Variants in PARD3B observed in about 807,000 individuals in gnomAD.
The protein encoded by PARD3B is par-3 family cell polarity regulator beta.
In PARD3B, 103 loss-of-function variants were observed where a neutral mutation model predicts 130.2. The observed-to-expected ratio is 0.79, with a 90% CI of 0.67 to 0.93. PARD3B has a LOEUF of 0.93. Ranked by LOEUF, PARD3B falls within the 40% of genes least tolerant of loss-of-function variation. The pLI is 0.00. For missense variants in PARD3B, 1,609 were observed against 1,499.2 expected, an observed-to-expected ratio of 1.07 and a Z score of -1.21; for synonymous variants, 583 against 553.2, an observed-to-expected ratio of 1.05 and a Z score of -0.76.
chr2:204,728,585 C>T (rs1268925162), intron 2 of PARD3B, among the ~76,000 whole-genome samples: 1 of 145,784 alleles, frequency 6.9e-6, no homozygotes, highest in African/African-American at 2.6e-5. Flanking sequence ...GTGTAATACT[C>T]TAGCAGTTGC....
At chr2:204,957,557 T>C (rs1690368944) in intron 2 of PARD3B, among the ~76,000 whole-genome samples, 1 of 152,186 alleles carries the variant, frequency 6.6e-6, no homozygotes, top group Admixed American at 6.5e-5. Context: ...TTGAGGATGC[T>C]GGAGCTGATG....
At chr2:205,389,748 G>A (rs1243660996) in intron 18 of PARD3B, among the ~76,000 whole-genome samples, 1 of 152,156 alleles carries the variant, frequency 6.6e-6, no homozygotes, top group Non-Finnish European at 1.5e-5. Context: ...ATATTTATTT[G>A]ATACTTTAGA....
At chr2:204,883,453 A>AT (rs1255418062) in intron 2 of PARD3B, among the ~76,000 whole-genome samples, 1,253 of 97,978 alleles carry the variant, frequency 0.013, 44 homozygotes, top group African/African-American at 0.046. Context: ...ATATATATAT[A>AT]TATTTTTTTT....
At chr2:205,447,531 C>T (rs762628830) in intron 20 of PARD3B, among the ~76,000 whole-genome samples, 38 of 152,188 alleles carry the variant, frequency 2.5e-4, no homozygotes, top group Non-Finnish European at 4.9e-4. Flanking sequence ...ATGTGTACCA[C>T]CAAACCCAGC....
At chr2:204,590,856 G>A (rs1213963276) in intron 1 of PARD3B, among the ~76,000 whole-genome samples, 3 of 152,146 alleles carry the variant, frequency 2.0e-5, no homozygotes, top group Non-Finnish European at 2.9e-5. Context: ...CCCTGAGTAT[G>A]GAGTGATAAT....
At chr2:204,636,855 G>C (rs911509559) in intron 1 of PARD3B, among the ~76,000 whole-genome samples, 1 of 152,068 alleles carries the variant, frequency 6.6e-6, no homozygotes, top group Non-Finnish European at 1.5e-5. Flanking sequence ...CTTTGCAGTT[G>C]ACAGTGGCCT....
intron 3 of PARD3B, among the ~76,000 whole-genome samples, chr2:205,019,590 T>C (rs1696442272): frequency 6.6e-6 from 1 of 152,322 alleles, no homozygotes; most frequent in South Asian, 2.1e-4. Flanking sequence ...GGCACCACTT[T>C]ACATTCCCAC....
intron 4 of PARD3B, among the ~76,000 whole-genome samples, chr2:205,058,618 T>A (rs1475243115): frequency 1.3e-5 from 2 of 152,130 alleles, no homozygotes; most frequent in Non-Finnish European, 2.9e-5. Context: ...TTCTGTTTTG[T>A]TTTTAGTAAT....
chr2:205,436,561 T>C (rs935120390), intron 19 of PARD3B, among the ~76,000 whole-genome samples: 2 of 152,132 alleles, frequency 1.3e-5, no homozygotes, highest in African/African-American at 4.8e-5. Flanking sequence ...ATTTATATTA[T>C]CTTCTACGGA....
At position 204,725,867 on chromosome 2, in the gene PARD3B, A is replaced by G. The variant is rs73984285; in HGVS notation, c.222+39585A>G. 8.8e-3 allele frequency among the ~76,000 whole-genome samples: 1,337 copies of G among 152,288 alleles called. 10 individuals carry two copies. Among genetic ancestry groups the G allele is most frequent in the African/African-American group, 0.029 (1,198 of 41,566 alleles). ...GACAATTCTGATATGATTCCTACCA[A>G]TGTCACATAGCTGCTGACATCTGGG... On this transcript the variant is annotated intron_variant, in intron 2 of 22. Coordinates refer to ENST00000406610, the MANE Select transcript of PARD3B (RefSeq NM_001302769.2).
chr2:204,934,590 A>G lies in PARD3B; in HGVS notation c.223-30562A>G, dbSNP rs145942629. Among the ~76,000 whole-genome samples, 16 of 152,328 alleles carry G rather than the reference A, an allele frequency of 1.1e-4. No homozygotes were observed. In the East Asian group the frequency reaches 3.1e-3, roughly 29 times the overall value. On this transcript the variant is annotated intron_variant, in intron 2 of 22. Coordinates refer to ENST00000406610, the MANE Select transcript of PARD3B (RefSeq NM_001302769.2). Reference sequence around the variant, plus strand: ...TTATAGAATGTATAGCTAGGCTTTTAAGGCTCATGCATATTTAAAACCTGC... The same window carrying G: ...TTATAGAATGTATAGCTAGGCTTTTGAGGCTCATGCATATTTAAAACCTGC...
At chr2:205,017,819 A>G (rs1351243225) in intron 3 of PARD3B, among the ~76,000 whole-genome samples, 1 of 152,174 alleles carries the variant, frequency 6.6e-6, no homozygotes, top group Non-Finnish European at 1.5e-5. Context: ...TGGCAGAAAG[A>G]TAGGACCATT....
intron 19 of PARD3B, among the ~76,000 whole-genome samples, chr2:205,435,134 A>G (rs1044624258): frequency 6.6e-6 from 1 of 152,072 alleles, no homozygotes; most frequent in African/African-American, 2.4e-5. Flanking sequence ...TATAAAGGCT[A>G]CCTCTAATTC....
intron 1 of PARD3B, among the ~76,000 whole-genome samples, chr2:204,549,493 TA>T (rs1460792711): frequency 1.3e-5 from 2 of 152,232 alleles, no homozygotes; most frequent in African/African-American, 4.8e-5. Flanking sequence ...CAGTAACCTC[TA>T]ATTTTCACAT....
chr2:205,612,246 A>G lies in PARD3B; in HGVS notation c.3261-3210A>G, dbSNP rs555344436. On this transcript the variant is annotated intron_variant, in intron 22 of 22. Coordinates refer to ENST00000406610, the MANE Select transcript of PARD3B (RefSeq NM_001302769.2). ...CAGCTCACTGCAACCTCTGCCTACC[A>G]GGTTCAAGCAATTCTCCTGCCTTAG... 2.4e-4 allele frequency among the ~76,000 whole-genome samples: 36 copies of G among 152,210 alleles called. No homozygotes were observed. The Middle Eastern group carries it at 0.017, about 72-fold the overall frequency.
chr2:204,657,011 T>C (rs1461908954), intron 1 of PARD3B, among the ~76,000 whole-genome samples: 1 of 152,188 alleles, frequency 6.6e-6, no homozygotes, highest in Admixed American at 6.5e-5. Context: ...TTGGTCTTAT[T>C]TGTAATTTTA....
chr2:205,469,807 C>A (rs1460575687), intron 20 of PARD3B, among the ~76,000 whole-genome samples: 3 of 152,174 alleles, frequency 2.0e-5, no homozygotes, highest in Non-Finnish European at 2.9e-5. Context: ...GAATTTGCTT[C>A]CCCCATTTTA....
intron 20 of PARD3B, among the ~76,000 whole-genome samples, chr2:205,443,587 G>T (rs1023920167): frequency 6.6e-6 from 1 of 152,176 alleles, no homozygotes; most frequent in African/African-American, 2.4e-5. Context: ...ATTTGAACTG[G>T]CTCTAGAAGG....
Position 205,337,695 on chromosome 2 carries a change from T to A in PARD3B, c.2630+35994T>A, listed in dbSNP as rs149078457. ...CTGTTACTTTGAAGTTAAATGAAGT[T>A]ATTTTCTGTTTTGGTGCATAAGTAA... On this transcript the variant is annotated intron_variant, in intron 18 of 22. Transcript: ENST00000406610. 3.1e-3 allele frequency among the ~76,000 whole-genome samples: 470 copies of A among 152,324 alleles called. 3 individuals carry two copies. The highest frequency in any genetic ancestry group is 0.011 in the African/African-American group (447 of 41,568).
Sources: gnomAD v4.1 joint callset for allele counts (sites outside exome capture counted in the v4.1 genomes callset) on GRCh38, gnomAD v4.1.1 for gene constraint, MANE v1.5 for transcripts, NCBI Gene and HGNC (gene_info 2026-07-23, HGNC 2026-07-21) for gene names.